The following ST8SIA5 variants were observed in gnomAD, a reference collection of about 807,000 sequenced individuals.
The protein encoded by ST8SIA5 is ST8 alpha-N-acetyl-neuraminide alpha-2,8-sialyltransferase 5.
Under a neutral mutation model 40.2 loss-of-function variants are expected in ST8SIA5, and 24 were observed. That is an observed-to-expected ratio of 0.60 (90% CI 0.43 to 0.84). ST8SIA5 has a LOEUF of 0.84. ST8SIA5 is among the 40% of genes least tolerant of loss of function. The probability of loss-of-function intolerance (pLI) is 0.00; values close to 1 mark genes in which losing one functional copy is unlikely to be tolerated. For synonymous variants in ST8SIA5, 198 were observed against 201.8 expected, an observed-to-expected ratio of 0.98 and a Z score of 0.16; for missense variants, 465 against 498.5, an observed-to-expected ratio of 0.93 and a Z score of 0.64.
intron 1 of ST8SIA5, among the ~76,000 whole-genome samples, chr18:46,730,759 C>A (rs2039977835): frequency 6.6e-6 from 1 of 152,118 alleles, no homozygotes; most frequent in African/African-American, 2.4e-5. Flanking sequence ...CATGATCACA[C>A]CACTGCACTC....
intron 1 of ST8SIA5, among the ~76,000 whole-genome samples, chr18:46,754,125 G>T (rs1340850149): frequency 6.6e-6 from 1 of 152,114 alleles, no homozygotes; most frequent in Admixed American, 6.5e-5. Flanking sequence ...AGGTGCTAGG[G>T]GTGACACTGA....
At chr18:46,700,150 AATC>A (rs1483928512) in intron 2 of ST8SIA5, among the ~76,000 whole-genome samples, 1 of 152,230 alleles carries the variant, frequency 6.6e-6, no homozygotes, top group Non-Finnish European at 1.5e-5. Flanking sequence ...TTTCATAACA[AATC>A]ATCATGGAGT....
chr18:46,726,237 A>G (rs192748977), intron 1 of ST8SIA5, among the ~76,000 whole-genome samples: 1 of 151,306 alleles, frequency 6.6e-6, no homozygotes, highest in Non-Finnish European at 1.5e-5. Context: ...AAAATTTAAA[A>G]AATAAAACAT....
chr18:46,697,124 TAAAAAAAA>T (rs35310725), intron 2 of ST8SIA5, among the ~76,000 whole-genome samples: 1 of 126,824 alleles, frequency 7.9e-6, no homozygotes, highest in African/African-American at 2.9e-5. Context: ...GTTCCTCTGT[TAAAAAAAA>T]AAAAAAAAAA....
rs560220507 is a variant in ST8SIA5 at position 46,669,726 on chromosome 18, G to A, written c.*10316C>T. 13 of 152,346 alleles carry A rather than the reference G, an allele frequency of 8.5e-5. No individual in the cohort carries two copies. Among genetic ancestry groups the A allele is most frequent in the African/African-American group, 2.6e-4 (11 of 41,572 alleles). The allele number at this position is 152,346 out of a possible 1,614,324, so 9.4% of individuals were successfully genotyped here. A position where few individuals can be genotyped will look rare whatever the true frequency, so the allele number is the denominator to read the frequency against. On this transcript the variant is annotated 3_prime_UTR_variant, in exon 7 of 7. Transcript: ENST00000315087. ...CCCACCACCTGCCCTTTTTTCTTAG[G>A]AGAGAGGTAGCAGGAGAGTCTCCAA...
intron 2 of ST8SIA5, among the ~76,000 whole-genome samples, chr18:46,695,081 C>T (rs767905609): frequency 6.6e-6 from 1 of 151,738 alleles, no homozygotes; most frequent in Non-Finnish European, 1.5e-5. Context: ...ATCGCTTGAA[C>T]CCAGGAGGTG....
At chr18:46,721,307 G>T (rs963587526) in intron 1 of ST8SIA5, 1 of 1,482,354 alleles carries the variant, frequency 6.7e-7, no homozygotes, top group South Asian at 1.2e-5. Flanking sequence ...AGGGGCTGCA[G>T]GGCCACCCCG....
intron 1 of ST8SIA5, among the ~76,000 whole-genome samples, chr18:46,717,806 C>T (rs188627107): frequency 1.1e-4 from 16 of 152,206 alleles, no homozygotes; most frequent in Admixed American, 1.3e-4. Context: ...TCTTTCTTAC[C>T]AATAGCCTTT....
chr18:46,710,938 A>T (rs72917432), intron 1 of ST8SIA5, among the ~76,000 whole-genome samples: 23,399 of 152,148 alleles, frequency 0.15, 1,949 homozygotes, highest in South Asian at 0.23. Context: ...ATAGAAGCCC[A>T]GGGGGGTCCC....
intron 1 of ST8SIA5, among the ~76,000 whole-genome samples, chr18:46,715,768 G>A (rs1465031787): frequency 6.6e-6 from 1 of 151,666 alleles, no homozygotes; most frequent in Non-Finnish European, 1.5e-5. Context: ...TTTATTTTTG[G>A]TAGAGACGAG....
In ST8SIA5 at chr18:46,680,461, C is replaced by A. The variant is rs1295767347; in HGVS notation, c.712G>T (p.Val238Leu). 3 of 1,607,322 alleles carry A rather than the reference C, an allele frequency of 1.9e-6. No homozygotes were observed. Among genetic ancestry groups the A allele is most frequent in the Admixed American group, 1.7e-5 (1 of 59,560 alleles). ...AGCAGCACCGACGCGTTCTCGTACACCTGCAGCACGCGATAGAACGGCCGC... is the reference window on the plus strand; with the variant it reads ...AGCAGCACCGACGCGTTCTCGTACAACTGCAGCACGCGATAGAACGGCCGC... ...WRRPFYRVLQ[V>L]YENASVLLPA... Residue 238 changes from valine (V) to leucine (L), a missense_variant, in exon 7 of 7, where the codon GTG (valine) becomes TTG (leucine). Transcript: ENST00000315087.
rs766538892 is a variant in ST8SIA5, at chr18:46,737,025, G to C, written c.131+19353C>G. On this transcript the variant is annotated intron_variant, in intron 1 of 6. Coordinates refer to ENST00000315087, the MANE Select transcript of ST8SIA5 (RefSeq NM_013305.6). ...GCCCCACGTCACCAGAGCTGGAAGA[G>C]AGGAAGCCACCTTGCCCACCCACTC... Among the ~76,000 whole-genome samples the C allele has an allele frequency of 2.0e-5, 3 of 152,188 alleles. No homozygotes were observed. In the East Asian group the frequency reaches 5.8e-4, roughly 29 times the overall value.
intron 1 of ST8SIA5, among the ~76,000 whole-genome samples, chr18:46,738,298 C>T (rs558614172): frequency 1.1e-4 from 16 of 150,548 alleles, no homozygotes; most frequent in East Asian, 3.9e-4. Flanking sequence ...AGACGGAATC[C>T]GGGAGTAAGA....
chr18:46,724,003 G>A (rs894447057), intron 1 of ST8SIA5, among the ~76,000 whole-genome samples: 3 of 152,126 alleles, frequency 2.0e-5, no homozygotes, highest in Non-Finnish European at 4.4e-5. Flanking sequence ...TAAGGGAATG[G>A]GGCAGCAGAT....
chr18:46,746,933 G>A (rs189484114), intron 1 of ST8SIA5, among the ~76,000 whole-genome samples: 1,708 of 152,286 alleles, frequency 0.011, 20 homozygotes, highest in South Asian at 0.025. Flanking sequence ...ACAACCATCT[G>A]ATCTTTGACA....
chr18:46,685,544 C>T (rs1296154363), intron 5 of ST8SIA5, among the ~76,000 whole-genome samples: 1 of 152,166 alleles, frequency 6.6e-6, no homozygotes, highest in African/African-American at 2.4e-5. Flanking sequence ...GACCTCAAAT[C>T]ACACCAAACC....
rs529374362 is a variant in ST8SIA5 at position 46,690,772 on chromosome 18, C to G, written c.311+1397G>C. Among the ~76,000 whole-genome samples the G allele has an allele frequency of 4.6e-5, 7 of 152,210 alleles. No individual in the cohort carries two copies. The South Asian group carries it at 1.5e-3, about 32-fold the overall frequency. On this transcript the variant is annotated intron_variant, in intron 3 of 6. Coordinates refer to ENST00000315087, the MANE Select transcript of ST8SIA5 (RefSeq NM_013305.6). ...AGGATTACAGGTGTGCACCACCACA[C>G]CTGGCTAATTTCTTTGCATTTTTAG... is the stretch of plus-strand genomic sequence containing the variant.
intron 2 of ST8SIA5, among the ~76,000 whole-genome samples, chr18:46,693,291 A>G (rs1015210604): frequency 8.5e-5 from 13 of 152,108 alleles, no homozygotes; most frequent in African/African-American, 3.1e-4. Context: ...TGGAACACCC[A>G]TCAAACACCC....
intron 1 of ST8SIA5, among the ~76,000 whole-genome samples, chr18:46,744,992 A>C (rs1265037322): frequency 1.3e-5 from 2 of 152,272 alleles, no homozygotes; most frequent in Non-Finnish European, 2.9e-5. Flanking sequence ...ATGAAAGCAG[A>C]AATAAAGATG....
Sources: allele counts gnomAD v4.1 joint callset (sites outside exome capture counted in the v4.1 genomes callset), GRCh38; gene constraint gnomAD v4.1.1; transcripts MANE v1.5; gene names NCBI Gene and HGNC (gene_info 2026-07-23, HGNC 2026-07-21).